Variants in JAM3 observed in about 807,000 individuals in gnomAD.
JAM3 encodes the protein junctional adhesion molecule C.
JAM3 carries 31 observed loss-of-function variants against 39.4 expected under a neutral mutation model. The observed-to-expected ratio is 0.79, with a 90% CI of 0.59 to 1.06. The LOEUF (loss-of-function observed/expected upper bound fraction) is 1.06, where lower values mean the gene tolerates loss of function less well. Among genes scored for constraint, JAM3 ranks in the 50% least tolerant of loss-of-function variants. The pLI, the probability that JAM3 is intolerant of heterozygous loss-of-function variation, is 0.00. For synonymous variants in JAM3, 182 were observed against 148.7 expected (o/e 1.22, Z -1.63); for missense variants, 455 against 391.4 (o/e 1.16, Z -1.37).
intron 1 of JAM3, among the ~76,000 whole-genome samples, chr11:134,084,840 T>C (rs976518529): frequency 6.6e-6 from 1 of 152,238 alleles, no homozygotes; most frequent in African/African-American, 2.4e-5. Context: ...ATGGTTCTCT[T>C]CTTCCACTCT....
At chr11:134,090,304 G>GT (rs1307686545) in intron 1 of JAM3, among the ~76,000 whole-genome samples, 1 of 152,202 alleles carries the variant, frequency 6.6e-6, no homozygotes, top group African/African-American at 2.4e-5. Flanking sequence ...AAGCTCTTTA[G>GT]TTTAATTAGA....
At chr11:134,088,049 G>T (rs535059490) in intron 1 of JAM3, among the ~76,000 whole-genome samples, 1 of 152,334 alleles carries the variant, frequency 6.6e-6, no homozygotes, top group East Asian at 1.9e-4. Context: ...ACTGCTGTAA[G>T]ACAGGATTCA....
At position 134,117,987 on chromosome 11, in the gene JAM3, G is replaced by C. The variant is rs1942469145; in HGVS notation, c.77-21864G>C. Among the ~76,000 whole-genome samples, 4 of 152,246 alleles carry C rather than the reference G, an allele frequency of 2.6e-5. 1 individual carries two copies. The highest frequency in any genetic ancestry group is 3.4e-3 in the Middle Eastern group (1 of 294). ...AATTATTTTTTTGTAGCATATGAGA[G>C]CACACATTCCTCTCTTGGAATTCTG... On this transcript the variant is annotated intron_variant, in intron 1 of 8. Coordinates refer to ENST00000299106, the MANE Select transcript of JAM3 (RefSeq NM_032801.5).
intron 1 of JAM3, among the ~76,000 whole-genome samples, chr11:134,091,473 T>G (rs1400556722): frequency 6.6e-6 from 1 of 151,942 alleles, no homozygotes; most frequent in South Asian, 2.1e-4. Flanking sequence ...CACTCCAACC[T>G]GGGTGACAGA....
chr11:134,085,970 T>C (rs1941740653), intron 1 of JAM3, among the ~76,000 whole-genome samples: 1 of 152,198 alleles, frequency 6.6e-6, no homozygotes, highest in Non-Finnish European at 1.5e-5. Context: ...TGTTTCTTTA[T>C]CTTTATTTTA....
chr11:134,084,505 TAC>T (rs1213977072), intron 1 of JAM3, among the ~76,000 whole-genome samples: 2 of 152,122 alleles, frequency 1.3e-5, no homozygotes, highest in South Asian at 2.1e-4. Flanking sequence ...TTAAAATTAA[TAC>T]AGTCAAATTA....
intron 1 of JAM3, among the ~76,000 whole-genome samples, chr11:134,096,708 T>C (rs1211787812): frequency 6.6e-6 from 1 of 152,204 alleles, no homozygotes; most frequent in Non-Finnish European, 1.5e-5. Context: ...TTTCCAGCTA[T>C]GGTTTGCTTT....
intron 1 of JAM3, among the ~76,000 whole-genome samples, chr11:134,113,064 A>G (rs1345491376): frequency 1.3e-5 from 2 of 152,186 alleles, no homozygotes; most frequent in East Asian, 3.8e-4. Flanking sequence ...CATCTCGGTC[A>G]CTTGAATCTT....
At chr11:134,140,885 GTT>G (rs370582772) in intron 3 of JAM3, 115 bp downstream of exon 3, 699 of 992,574 alleles carry the variant, frequency 7.0e-4, no homozygotes, top group African/African-American at 4.9e-3. Flanking sequence ...AGCTAGGACC[GTT>G]TTTTTTTTTT....
chr11:134,096,827 T>C (rs1941993334), intron 1 of JAM3, among the ~76,000 whole-genome samples: 1 of 152,230 alleles, frequency 6.6e-6, no homozygotes, highest in African/African-American at 2.4e-5. Flanking sequence ...TCTTTACCTA[T>C]GCTGTACCAG....
chr11:134,122,026 A>G (rs1376648772), intron 1 of JAM3, among the ~76,000 whole-genome samples: 1 of 152,196 alleles, frequency 6.6e-6, no homozygotes. Flanking sequence ...TTTTGGATAT[A>G]CCATTATTTT....
At chr11:134,108,589 GAAAACA>G (rs1247246739) in intron 1 of JAM3, among the ~76,000 whole-genome samples, 9 of 152,086 alleles carry the variant, frequency 5.9e-5, no homozygotes, top group African/African-American at 9.7e-5. Context: ...TGTATAGGAA[GAAAACA>G]AAAACAAAAA....
At chr11:134,131,148 A>C (rs1223457318) in intron 1 of JAM3, among the ~76,000 whole-genome samples, 1 of 150,216 alleles carries the variant, frequency 6.7e-6, no homozygotes, top group Non-Finnish European at 1.5e-5. Flanking sequence ...CTCTAGATTC[A>C]GAATAAGCCT....
intron 1 of JAM3, among the ~76,000 whole-genome samples, chr11:134,127,640 C>T (rs1942675897): frequency 6.6e-6 from 1 of 152,224 alleles, no homozygotes; most frequent in African/African-American, 2.4e-5. Context: ...GTGGAGGTTG[C>T]AATGAGCTGA....
At chr11:134,105,088 G>A (rs374084326) in intron 1 of JAM3, among the ~76,000 whole-genome samples, 17 of 152,060 alleles carry the variant, frequency 1.1e-4, no homozygotes, top group East Asian at 3.9e-4. Flanking sequence ...GATCAACATC[G>A]ATGCAAAAAT....
intron 1 of JAM3, among the ~76,000 whole-genome samples, chr11:134,088,317 C>G (rs1358387636): frequency 6.6e-6 from 1 of 152,178 alleles, no homozygotes; most frequent in Non-Finnish European, 1.5e-5. Flanking sequence ...TTTACCACCC[C>G]CGAAGCTCTT....
chr11:134,074,870 GC>G (rs1228995001), intron 1 of JAM3, among the ~76,000 whole-genome samples: 4 of 151,962 alleles, frequency 2.6e-5, no homozygotes, highest in African/African-American at 9.7e-5. Flanking sequence ...ACTTCTTCCT[GC>G]CCAACATGGA....
At chr11:134,082,068 C>T (rs1941674802) in intron 1 of JAM3, among the ~76,000 whole-genome samples, 1 of 152,016 alleles carries the variant, frequency 6.6e-6, no homozygotes. Context: ...CCAATTTCTC[C>T]CAATCATTTT....
intron 6 of JAM3, 98 bp from the exon 7 acceptor site, chr11:134,148,449 T>G (rs1229745290): frequency 6.5e-7 from 1 of 1,537,258 alleles, no homozygotes; most frequent in African/African-American, 1.4e-5. Flanking sequence ...AGGGGGCAAG[T>G]GGGTTTGGGG....
Sources: allele counts gnomAD v4.1 joint callset (sites outside exome capture counted in the v4.1 genomes callset), GRCh38; gene constraint gnomAD v4.1.1; transcripts MANE v1.5; gene names NCBI Gene and HGNC (gene_info 2026-07-23, HGNC 2026-07-21).